Variants in DCLK1 observed in about 807,000 individuals in gnomAD.
DCLK1 encodes the protein serine/threonine-protein kinase DCLK1.
DCLK1 carries 16 observed loss-of-function variants against 86.2 expected under a neutral mutation model. The ratio of observed to expected loss-of-function variants is 0.19; its 90% CI spans 0.13 to 0.28. The LOEUF (loss-of-function observed/expected upper bound fraction) is 0.28. Among genes scored for constraint, DCLK1 ranks in the 10% least tolerant of loss-of-function variants. DCLK1 has a pLI of 1.00. For missense variants in DCLK1, 590 were observed against 940.2 expected (o/e 0.63, Z 4.87); for synonymous variants, 369 against 370.5 (o/e 1.00, Z 0.05).
At chr13:35,790,108 C>T (rs17052822) in intron 16 of DCLK1, among the ~76,000 whole-genome samples, 2,488 of 152,116 alleles carry the variant, frequency 0.016, 67 homozygotes, top group African/African-American at 0.057. Flanking sequence ...GGCCCTCTTG[C>T]GACCTTAATA....
intron 4 of DCLK1, among the ~76,000 whole-genome samples, chr13:35,944,298 C>T (rs1476915915): frequency 6.6e-6 from 1 of 152,130 alleles, no homozygotes; most frequent in East Asian, 1.9e-4. Flanking sequence ...GGCAAAAGGC[C>T]ACTTCTTGGC....
intron 3 of DCLK1, among the ~76,000 whole-genome samples, chr13:35,950,133 A>C (rs969481249): frequency 6.6e-6 from 1 of 152,238 alleles, no homozygotes. Context: ...TGGAAAAGGT[A>C]GGTATGGTCA....
intron 3 of DCLK1, among the ~76,000 whole-genome samples, chr13:36,051,699 T>C (rs1470218331): frequency 6.6e-6 from 1 of 152,180 alleles, no homozygotes; most frequent in Non-Finnish European, 1.5e-5. Flanking sequence ...AAGCGAAGAA[T>C]GGTAGCTTGT....
At chr13:36,085,813 A>AC (rs79489455) in intron 3 of DCLK1, among the ~76,000 whole-genome samples, 7 of 151,724 alleles carry the variant, frequency 4.6e-5, no homozygotes, top group Admixed American at 4.6e-4. Context: ...AGACCAAGAG[A>AC]CCCCCTGACT....
chr13:35,872,248 C>T (rs1309241662), intron 4 of DCLK1, among the ~76,000 whole-genome samples: 1 of 152,142 alleles, frequency 6.6e-6, no homozygotes, highest in East Asian at 1.9e-4. Context: ...CCCCCAATAA[C>T]CCATGATCAA....
At chr13:35,899,121 G>T (rs1874185694) in intron 4 of DCLK1, among the ~76,000 whole-genome samples, 2 of 152,272 alleles carry the variant, frequency 1.3e-5, no homozygotes, top group African/African-American at 4.8e-5. Context: ...GACACTGAGG[G>T]ATACCTCTGG....
intron 3 of DCLK1, among the ~76,000 whole-genome samples, chr13:35,966,263 C>G (rs77365618): frequency 0.042 from 6,445 of 152,240 alleles, 392 homozygotes; most frequent in African/African-American, 0.14. Context: ...AATTCCCATA[C>G]AATCCAGCAA....
At chr13:35,921,329 A>G (rs1875789100) in intron 4 of DCLK1, among the ~76,000 whole-genome samples, 1 of 151,962 alleles carries the variant, frequency 6.6e-6, no homozygotes, top group African/African-American at 2.4e-5. Flanking sequence ...ACCTGAAAGC[A>G]TTCTTCTCTC....
intron 4 of DCLK1, among the ~76,000 whole-genome samples, chr13:35,887,922 T>A (rs995906080): frequency 3.0e-5 from 4 of 133,050 alleles, no homozygotes; most frequent in Admixed American, 2.3e-4. Context: ...AAGGCTTCAG[T>A]GGAAAGCATG....
rs1413205842 is a variant in DCLK1 at position 35,839,186 on chromosome 13, A to G, written c.1036-10T>C. The G allele has an allele frequency of 6.4e-7, 1 of 1,568,386 alleles. No individual in the cohort carries two copies. Among genetic ancestry groups the G allele is most frequent in the South Asian group, 1.2e-5 (1 of 85,124 alleles). Reference sequence around the variant, plus strand: ...CGCCATGCTGAGAGCTCTGTAGGGGAACAGAAACCGGTAATTCAAAAACTG... The same window carrying G: ...CGCCATGCTGAGAGCTCTGTAGGGGGACAGAAACCGGTAATTCAAAAACTG... On this transcript the variant is annotated splice_polypyrimidine_tract_variant and intron_variant, in intron 6 of 16. Transcript: ENST00000360631.
chr13:35,989,696 T>C (rs7325269), intron 3 of DCLK1, among the ~76,000 whole-genome samples: 32,225 of 150,152 alleles, frequency 0.21, 3,913 homozygotes, highest in African/African-American at 0.32. Flanking sequence ...TGCACCATCA[T>C]GCCTGGCTAA....
At chr13:36,110,374 A>G (rs1178899055) in intron 3 of DCLK1, among the ~76,000 whole-genome samples, 2 of 152,202 alleles carry the variant, frequency 1.3e-5, no homozygotes, top group Admixed American at 6.5e-5. Context: ...CTCATCCATT[A>G]GAATCCTTAT....
intron 3 of DCLK1, among the ~76,000 whole-genome samples, chr13:35,981,175 G>T (rs1238797314): frequency 6.6e-6 from 1 of 151,964 alleles, no homozygotes. Flanking sequence ...TTAACCAGGG[G>T]TTGGGGACCC....
At chr13:36,092,148 A>C (rs1884847966) in intron 3 of DCLK1, among the ~76,000 whole-genome samples, 1 of 151,890 alleles carries the variant, frequency 6.6e-6, no homozygotes, top group South Asian at 2.1e-4. Context: ...ACAACTCCAA[A>C]TCTGCTTTAT....
At chr13:36,059,188 C>T (rs1390462780) in intron 3 of DCLK1, among the ~76,000 whole-genome samples, 1 of 152,136 alleles carries the variant, frequency 6.6e-6, no homozygotes, top group Non-Finnish European at 1.5e-5. Context: ...GAGAAACAAA[C>T]AGAATTAGCG....
chr13:35,808,426 G>A, intron 13 of DCLK1, 106 bp from the exon 14 acceptor site: 1 of 896,996 alleles, frequency 1.1e-6, no homozygotes, highest in Non-Finnish European at 1.8e-6. Flanking sequence ...CCATAAATGT[G>A]TAAAAATGTG....
intron 15 of DCLK1, among the ~76,000 whole-genome samples, chr13:35,799,239 G>A (rs922727412): frequency 6.8e-6 from 1 of 146,684 alleles, no homozygotes; most frequent in Non-Finnish European, 1.5e-5. Context: ...CTTCAGGCTT[G>A]AGCCTCAGTT....
chr13:35,926,412 T>G (rs920697613), intron 4 of DCLK1, among the ~76,000 whole-genome samples: 6 of 152,224 alleles, frequency 3.9e-5, no homozygotes, highest in African/African-American at 1.4e-4. Context: ...CACTCAACAG[T>G]GCGCCACATG....
At chr13:36,108,033 T>C (rs76242642) in intron 3 of DCLK1, among the ~76,000 whole-genome samples, 1,686 of 150,990 alleles carry the variant, frequency 0.011, 27 homozygotes, top group African/African-American at 0.039. Flanking sequence ...CTAGAAAATG[T>C]CCCTTTTTCT....
Sources: allele counts gnomAD v4.1 joint callset (sites outside exome capture counted in the v4.1 genomes callset), GRCh38; gene constraint gnomAD v4.1.1; transcripts MANE v1.5; gene names NCBI Gene and HGNC (gene_info 2026-07-23, HGNC 2026-07-21).